POFUT3: variants seen among roughly 807,000 people sequenced by gnomAD.
The protein encoded by POFUT3 is GDP-fucose protein O-fucosyltransferase 3.
chr8:33,440,308 G>A, the POFUT3 span, among the ~76,000 whole-genome samples: 1 of 152,100 alleles, frequency 6.6e-6, no homozygotes, highest in Non-Finnish European at 1.5e-5. Flanking sequence ...CCTGCAGTGA[G>A]CTATGATCAT....
chr8:33,362,423 T>C, the POFUT3 span, among the ~76,000 whole-genome samples: 1 of 152,056 alleles, frequency 6.6e-6, no homozygotes, highest in African/African-American at 2.4e-5. Context: ...ATAACAATAT[T>C]AACCTTAAAT....
the POFUT3 span, among the ~76,000 whole-genome samples, chr8:33,340,478 C>CA: frequency 6.0e-5 from 9 of 150,798 alleles, no homozygotes; most frequent in Admixed American, 1.3e-4. Context: ...AATACACTCC[C>CA]AAAAAAAACC....
At chr8:33,429,090 A>G in the POFUT3 span, among the ~76,000 whole-genome samples, 43 of 152,238 alleles carry the variant, frequency 2.8e-4, no homozygotes, top group Admixed American at 2.8e-3. Flanking sequence ...TACATGAATT[A>G]TACTCAAACC....
the POFUT3 span, among the ~76,000 whole-genome samples, chr8:33,379,201 A>T: frequency 6.6e-6 from 1 of 152,122 alleles, no homozygotes; most frequent in East Asian, 1.9e-4. Flanking sequence ...CTGTGAGTCA[A>T]TTAAACCTCT....
chr8:33,449,893 T>A, the POFUT3 span, among the ~76,000 whole-genome samples: 1 of 151,894 alleles, frequency 6.6e-6, no homozygotes, highest in Middle Eastern at 3.4e-3. Context: ...CCACTTCAAA[T>A]TCAAATTTCT....
chr8:33,395,511 A>C, the POFUT3 span, among the ~76,000 whole-genome samples: 3 of 151,880 alleles, frequency 2.0e-5, no homozygotes, highest in East Asian at 5.8e-4. Flanking sequence ...TTTCCGCTCT[A>C]TCCCCTTTCC....
the POFUT3 span, among the ~76,000 whole-genome samples, chr8:33,414,988 G>A: frequency 1.7e-4 from 25 of 150,428 alleles, no homozygotes; most frequent in Non-Finnish European, 2.4e-4. Flanking sequence ...AAGGCCAGGC[G>A]CGGTGGCTCA....
At chr8:33,401,121 T>C in the POFUT3 span, among the ~76,000 whole-genome samples, 1 of 152,140 alleles carries the variant, frequency 6.6e-6, no homozygotes, top group East Asian at 1.9e-4. Flanking sequence ...TAGCTGGGAT[T>C]ACAGGTGCAT....
chr8:33,351,796 A>AT, the POFUT3 span, among the ~76,000 whole-genome samples: 1 of 151,864 alleles, frequency 6.6e-6, no homozygotes, highest in African/African-American at 2.4e-5. Context: ...ACAGAGTGAG[A>AT]TAAAAAAAAA....
chr8:33,382,068 A>G, the POFUT3 span, among the ~76,000 whole-genome samples: 1 of 152,156 alleles, frequency 6.6e-6, no homozygotes, highest in African/African-American at 2.4e-5. Flanking sequence ...TGAGATGGGC[A>G]CATTGCTTGA....
chr8:33,404,347 A>G, the POFUT3 span, among the ~76,000 whole-genome samples: 59 of 150,786 alleles, frequency 3.9e-4, no homozygotes, highest in South Asian at 1.0e-3. Context: ...CAAAAAAAAA[A>G]AAAAAGAAAA....
At chr8:33,464,320 T>C in the POFUT3 span, among the ~76,000 whole-genome samples, 3 of 152,148 alleles carry the variant, frequency 2.0e-5, no homozygotes, top group Non-Finnish European at 2.9e-5. Flanking sequence ...GAGTAACCTA[T>C]CATTGGCAAG....
the POFUT3 span, among the ~76,000 whole-genome samples, chr8:33,388,400 G>C: frequency 1.5e-5 from 2 of 133,340 alleles, no homozygotes; most frequent in African/African-American, 5.6e-5. Context: ...ATTGTGGCAT[G>C]ATCTCGGCTC....
the POFUT3 span, among the ~76,000 whole-genome samples, chr8:33,368,220 C>T: frequency 1.3e-5 from 2 of 152,142 alleles, no homozygotes; most frequent in African/African-American, 4.8e-5. Flanking sequence ...TGGTCATATC[C>T]TCTTTGGGAT....
chr8:33,419,494 T>C, the POFUT3 span, among the ~76,000 whole-genome samples: 61 of 152,358 alleles, frequency 4.0e-4, no homozygotes, highest in African/African-American at 1.4e-3. Flanking sequence ...GCTGCTGAGC[T>C]GACTGGAGGC....
chr8:33,420,490 T>C, the POFUT3 span, among the ~76,000 whole-genome samples: 2 of 152,208 alleles, frequency 1.3e-5, no homozygotes, highest in Non-Finnish European at 2.9e-5. Flanking sequence ...GGGCATTCTT[T>C]ATATCATTCT....
chr8:33,322,566 G>A, the POFUT3 span, among the ~76,000 whole-genome samples: 1,247 of 152,182 alleles, frequency 8.2e-3, 21 homozygotes, highest in African/African-American at 0.028. Context: ...GCAGGCAGGT[G>A]TATGTGCATA....
the POFUT3 span, among the ~76,000 whole-genome samples, chr8:33,420,718 A>G: frequency 6.6e-6 from 1 of 152,158 alleles, no homozygotes. Context: ...AGAAGGAATA[A>G]GTTCTCATGT....
chr8:33,373,464 C>T, the POFUT3 span, among the ~76,000 whole-genome samples: 1 of 152,098 alleles, frequency 6.6e-6, no homozygotes. Flanking sequence ...ATAATACCTC[C>T]CAGCTTCAAA....
Sources: gnomAD v4.1 joint callset for allele counts (sites outside exome capture counted in the v4.1 genomes callset) on GRCh38, gnomAD v4.1.1 for gene constraint, MANE v1.5 for transcripts, NCBI Gene and HGNC (gene_info 2026-07-23, HGNC 2026-07-21) for gene names.